Variants in CNTNAP5 observed in about 807,000 individuals in gnomAD.
CNTNAP5 encodes contactin-associated protein-like 5.
CNTNAP5 carries 72 observed loss-of-function variants against 150.2 expected under a neutral mutation model. The ratio of observed to expected loss-of-function variants is 0.48; its 90% CI spans 0.40 to 0.58. The LOEUF is 0.58. Among genes scored for constraint, CNTNAP5 ranks in the 20% least tolerant of loss-of-function variants. The pLI, the probability that CNTNAP5 is intolerant of heterozygous loss-of-function variation, is 0.00. For missense variants in CNTNAP5, 1,636 were observed against 1,626.2 expected, an observed-to-expected ratio of 1.01 and a Z score of -0.10; for synonymous variants, 672 against 619.8, an observed-to-expected ratio of 1.08 and a Z score of -1.25.
Position 124,706,795 on chromosome 2 carries a change from A to AAGAAGAAGG in CNTNAP5, c.2078-40432_2078-40431insAAGAAGGAG, listed in dbSNP as rs1553433527. 3.7e-3 allele frequency among the ~76,000 whole-genome samples: 70 copies of AAGAAGAAGG among 18,830 alleles called. 1 individual carries two copies. Among genetic ancestry groups the AAGAAGAAGG allele is most frequent in the Non-Finnish European group, 5.0e-3 (48 of 9,626 alleles). The allele number at this position is 18,830 out of a possible 152,430, so 12.4% of individuals were successfully genotyped here. A position where few individuals can be genotyped will look rare whatever the true frequency, so the allele number is the denominator to read the frequency against. The stretch of plus-strand genomic sequence containing the variant: ...GAAGAAGAAGAAGAAGAAGAAGAAG[A>AAGAAGAAGG]AGGAGGAGGAGGAGGAGGAGGAGGA... On this transcript the variant is annotated intron_variant, in intron 13 of 23. Transcript: ENST00000682447.
intron 11 of CNTNAP5, among the ~76,000 whole-genome samples, chr2:124,605,709 G>C (rs573908887): frequency 6.6e-6 from 1 of 150,664 alleles, no homozygotes; most frequent in Admixed American, 6.6e-5. Context: ...CCAGCTACTC[G>C]GGAGGCTGAG....
intron 1 of CNTNAP5, among the ~76,000 whole-genome samples, chr2:124,122,290 G>T (rs139599672): frequency 6.6e-6 from 1 of 152,126 alleles, no homozygotes; most frequent in Non-Finnish European, 1.5e-5. Flanking sequence ...TAATTAAATC[G>T]TGAAACATTA....
chr2:124,358,993 G>T (rs1246208339), intron 3 of CNTNAP5, among the ~76,000 whole-genome samples: 10 of 150,028 alleles, frequency 6.7e-5, no homozygotes, highest in Admixed American at 1.3e-4. Context: ...CCTGTTATTG[G>T]TCTATTCAGA....
rs748371734 is a variant in CNTNAP5, at chr2:124,524,500, T to C, written c.1477+48T>C. The C allele has an allele frequency of 2.6e-6, 4 of 1,520,776 alleles. No individual in the cohort carries two copies. In the South Asian group the frequency reaches 4.8e-5, roughly 18 times the overall value. The allele number at this position is 1,520,776 out of a possible 1,614,324, so 94.2% of individuals were successfully genotyped here. On this transcript the variant is annotated intron_variant, in intron 9 of 23. Transcript: ENST00000682447. Reference sequence around the variant, plus strand: ...GGGAAAATTAAGAAGGGAGGGAAATTTAAGTGGGCAATTATTTCACTATGA... The same window carrying C: ...GGGAAAATTAAGAAGGGAGGGAAATCTAAGTGGGCAATTATTTCACTATGA...
chr2:124,342,753 T>C (rs183679571), intron 3 of CNTNAP5, among the ~76,000 whole-genome samples: 11 of 152,238 alleles, frequency 7.2e-5, no homozygotes, highest in Admixed American at 2.0e-4. Context: ...AAGCAAGCTA[T>C]AGAAAGTTTA....
intron 11 of CNTNAP5, among the ~76,000 whole-genome samples, chr2:124,592,098 T>C (rs1321225560): frequency 1.3e-5 from 2 of 152,144 alleles, no homozygotes; most frequent in Non-Finnish European, 2.9e-5. Context: ...GAGTGCAACA[T>C]AGTTTATTCA....
At chr2:124,778,142 T>G (rs565631468) in intron 17 of CNTNAP5, among the ~76,000 whole-genome samples, 1 of 152,178 alleles carries the variant, frequency 6.6e-6, no homozygotes, top group Non-Finnish European at 1.5e-5. Flanking sequence ...GAAATCAGGC[T>G]GCCCTGGAGC....
chr2:124,843,240 T>C (rs1325688993), intron 19 of CNTNAP5, among the ~76,000 whole-genome samples: 1 of 152,144 alleles, frequency 6.6e-6, no homozygotes, highest in East Asian at 1.9e-4. Flanking sequence ...ATATCATTAA[T>C]TTGTTCCTTT....
At chr2:124,139,630 G>GGAGA (rs1684060350) in intron 1 of CNTNAP5, among the ~76,000 whole-genome samples, 1 of 152,182 alleles carries the variant, frequency 6.6e-6, no homozygotes, top group South Asian at 2.1e-4. Context: ...GACCGGCGAA[G>GGAGA]GAGACTCTGA....
At chr2:124,779,758 GATCTACCTGACAGACT>G (rs1681407946) in intron 17 of CNTNAP5, among the ~76,000 whole-genome samples, 1 of 152,058 alleles carries the variant, frequency 6.6e-6, no homozygotes, top group African/African-American at 2.4e-5. Flanking sequence ...CCCCTACCCT[GATCTACCTGACAGACT>G]CCTCTTCATG....
At chr2:124,773,909 CGTGTGTGTGTGTGT>C (rs55795835) in intron 17 of CNTNAP5, among the ~76,000 whole-genome samples, 2 of 132,018 alleles carry the variant, frequency 1.5e-5, no homozygotes, top group Non-Finnish European at 3.2e-5. Flanking sequence ...TAAGGGAGTG[CGTGTGTGTGTGTGT>C]GTGTGTGTGT....
chr2:124,856,880 T>C (rs768448123), intron 19 of CNTNAP5, among the ~76,000 whole-genome samples: 39 of 152,130 alleles, frequency 2.6e-4, no homozygotes, highest in Non-Finnish European at 5.0e-4. Context: ...TGGCCAAATA[T>C]CCATGGCAAG....
At position 124,446,809 on chromosome 2, in the gene CNTNAP5, C is replaced by T. The variant is rs374263800; in HGVS notation, c.790C>T (p.Leu264=). ...SLPSATLGSL[L]DDQHWHSVLI... ...GCCCTCTGCCACCCTGGGCAGCCTC[C>T]TGGATGACCAGCACTGGCACTCGGT... The change falls in exon 6 of 24, where the codon CTG becomes TTG. Residue 264 remains leucine, a synonymous_variant. Transcript: ENST00000682447. The T allele has an allele frequency of 6.2e-6, 10 of 1,613,794 alleles. No homozygotes were observed. The African/African-American group carries it at 1.3e-4, about 22-fold the overall frequency.
chr2:124,255,236 A>G (rs768276062), intron 3 of CNTNAP5, among the ~76,000 whole-genome samples: 9 of 152,082 alleles, frequency 5.9e-5, no homozygotes, highest in Non-Finnish European at 1.0e-4. Context: ...AAAAAATAAA[A>G]TATTTAGGCT....
At chr2:124,881,216 T>C (rs1468007200) in intron 21 of CNTNAP5, among the ~76,000 whole-genome samples, 2 of 152,016 alleles carry the variant, frequency 1.3e-5, no homozygotes, top group East Asian at 1.9e-4. Flanking sequence ...ACAAGCAAGA[T>C]AGAGGAAAGA....
chr2:124,805,686 CCA>C (rs1334597102), intron 19 of CNTNAP5, among the ~76,000 whole-genome samples: 1 of 152,190 alleles, frequency 6.6e-6, no homozygotes, highest in African/African-American at 2.4e-5. Context: ...AAACAAAATA[CCA>C]CAGACTGAAT....
At chr2:124,288,626 C>T (rs1688211142) in intron 3 of CNTNAP5, among the ~76,000 whole-genome samples, 1 of 152,154 alleles carries the variant, frequency 6.6e-6, no homozygotes, top group Admixed American at 6.6e-5. Flanking sequence ...AAATGGAACT[C>T]ATGATTCTTG....
rs542840634 is a variant in CNTNAP5, at chr2:124,851,311, T to A, written c.3218-13995T>A. Reference sequence around the variant, plus strand: ...GCAGAGGCTACAGTAAGCCAAGACCTTGCCACTGCACTCCAGCCTGGGCAA... The same window carrying A: ...GCAGAGGCTACAGTAAGCCAAGACCATGCCACTGCACTCCAGCCTGGGCAA... On this transcript the variant is annotated intron_variant, in intron 19 of 23. Transcript: ENST00000682447. Among the ~76,000 whole-genome samples the A allele has an allele frequency of 2.6e-5, 4 of 152,162 alleles. 1 individual carries two copies. The East Asian group carries it at 7.7e-4, about 29-fold the overall frequency.
At chr2:124,448,473 A>C (rs1236498096) in intron 6 of CNTNAP5, among the ~76,000 whole-genome samples, 1 of 152,110 alleles carries the variant, frequency 6.6e-6, no homozygotes, top group Admixed American at 6.5e-5. Context: ...GCTACCACAC[A>C]GCTCTTCCCA....
Sources: gnomAD v4.1 joint callset for allele counts (sites outside exome capture counted in the v4.1 genomes callset) on GRCh38, gnomAD v4.1.1 for gene constraint, MANE v1.5 for transcripts, NCBI Gene and HGNC (gene_info 2026-07-23, HGNC 2026-07-21) for gene names.